The following CDH17 variants were observed in gnomAD, a reference collection of about 807,000 sequenced individuals.
CDH17 encodes the protein cadherin-17.
Under a neutral mutation model 86.3 loss-of-function variants are expected in CDH17, and 67 were observed. The observed-to-expected ratio is 0.78, with a 90% confidence interval of 0.64 to 0.95. The LOEUF (loss-of-function observed/expected upper bound fraction) is 0.95. CDH17 is among the 40% of genes least tolerant of loss of function. The pLI, the probability that CDH17 is intolerant of heterozygous loss-of-function variation, is 0.00. For missense variants in CDH17, 993 were observed against 1,017.6 expected, an observed-to-expected ratio of 0.98 and a Z score of 0.33; for synonymous variants, 367 against 366.4, an observed-to-expected ratio of 1.00 and a Z score of -0.02.
rs754561906 is a variant in CDH17, at chr8:94,152,039, C to A, written c.1625G>T (p.Gly542Val). The change falls in exon 13 of 18, where the codon GGT becomes GTT. Residue 542 changes from glycine (G) to valine (V), a missense_variant. Transcript: ENST00000027335. ...KAENPEPLVF[G>V]VKYNASSFAK... ...AAAAGAACTTGCATTGTACTTCACA[C>A]CAAACACTAGAGGCTCAGGATTTTC... 1 of 1,614,158 alleles carries A rather than the reference C, an allele frequency of 6.2e-7. No individual in the cohort carries two copies. The highest frequency in any genetic ancestry group is 1.7e-5 in the Admixed American group (1 of 60,026).
upstream of CDH17, among the ~76,000 whole-genome samples, chr8:94,211,682 A>G (rs1814123909): frequency 6.6e-6 from 1 of 152,148 alleles, no homozygotes; most frequent in African/African-American, 2.4e-5. Context: ...AAGTACTTGC[A>G]TTTTATGTTC....
chr8:94,209,639 G>C (rs996899006), upstream of CDH17, among the ~76,000 whole-genome samples: 1 of 152,140 alleles, frequency 6.6e-6, no homozygotes, highest in South Asian at 2.1e-4. Context: ...TTGGTGGACT[G>C]GTGGGTTCAG....
At chr8:94,165,251 GTGAC>G (rs1813130038) in intron 10 of CDH17, among the ~76,000 whole-genome samples, 2 of 152,160 alleles carry the variant, frequency 1.3e-5, no homozygotes, top group African/African-American at 2.4e-5. Context: ...TACACAGCCA[GTGAC>G]TGAGAAAAGC....
intron 2 of CDH17, among the ~76,000 whole-genome samples, chr8:94,191,569 A>G (rs1813691035): frequency 6.7e-6 from 1 of 149,730 alleles, no homozygotes; most frequent in Non-Finnish European, 1.5e-5. Flanking sequence ...CGCCTGCCTC[A>G]GCCTCCTGAA....
At chr8:94,138,092 G>C (rs1425939445) in intron 15 of CDH17, among the ~76,000 whole-genome samples, 1 of 152,034 alleles carries the variant, frequency 6.6e-6, no homozygotes, top group Admixed American at 6.6e-5. Flanking sequence ...ATAGAAAATT[G>C]AGAGTACAAA....
At chr8:94,198,087 G>A (rs1381473177) in intron 1 of CDH17, among the ~76,000 whole-genome samples, 1 of 151,942 alleles carries the variant, frequency 6.6e-6, no homozygotes, top group Non-Finnish European at 1.5e-5. Flanking sequence ...CCTAGATGTA[G>A]ATGTATGACA....
At chr8:94,169,811 AC>A (rs1404292808) in intron 9 of CDH17, among the ~76,000 whole-genome samples, 3 of 152,350 alleles carry the variant, frequency 2.0e-5, no homozygotes, top group Admixed American at 1.3e-4. Flanking sequence ...ATCACAGGAC[AC>A]AGTAAAAGAA....
At chr8:94,155,907 C>T (rs192372093) in intron 12 of CDH17, among the ~76,000 whole-genome samples, 133 of 152,324 alleles carry the variant, frequency 8.7e-4, no homozygotes, top group African/African-American at 3.1e-3. Context: ...CCTGGAAAAA[C>T]ATCAAACCAA....
rs1813697141 is a variant in CDH17, at chr8:94,191,869, C to CT, written c.52-2585dup. 2.0e-5 allele frequency among the ~76,000 whole-genome samples: 3 copies of CT among 152,306 alleles called. No individual in the cohort carries two copies. In the South Asian group the frequency reaches 6.2e-4, roughly 32 times the overall value. ...CATCCCTTTCACTCCTTTTCCACAT[C>CT]TTTTCCTGTTCCATCAGCTCCTCTA... On this transcript the variant is annotated intron_variant, in intron 2 of 17. Transcript: ENST00000027335.
Position 94,131,504 on chromosome 8 carries a change from G to A in CDH17, c.2168-512C>T, listed in dbSNP as rs1812414949. Among the ~76,000 whole-genome samples, 3 of 152,262 alleles carry A rather than the reference G, an allele frequency of 2.0e-5. No individual in the cohort carries two copies. The South Asian group carries it at 6.2e-4, about 32-fold the overall frequency. On this transcript the variant is annotated intron_variant, in intron 15 of 17. Transcript: ENST00000027335. Reference sequence around the variant, plus strand: ...TTATCAAACACACATATTTAGGTTGGTGGAAAATAATTGCAGTTTTGGACA... The same window carrying A: ...TTATCAAACACACATATTTAGGTTGATGGAAAATAATTGCAGTTTTGGACA...
rs555089017 is a variant in CDH17 at position 94,132,862 on chromosome 8, T to C, written c.2168-1870A>G. On this transcript the variant is annotated intron_variant, in intron 15 of 17. Transcript: ENST00000027335. ...TTTTGTGTAAGGTGTAAGGAATGGA[T>C]CCAGTTTCAGCTTTCTACATATGCC... 5.3e-5 allele frequency among the ~76,000 whole-genome samples: 8 copies of C among 152,344 alleles called. No individual in the cohort carries two copies. The South Asian group carries it at 1.5e-3, about 28-fold the overall frequency.
rs146691258 is a variant in CDH17 at position 94,130,660 on chromosome 8, T to G, written c.2364A>C (p.Ala788=). Residue 788 remains alanine, a synonymous_variant, in exon 17 of 18, where the codon GCA becomes GCC. Transcript: ENST00000027335. ...GAAGGGTGGTCAGCAGTATACCAAC[T>G]GCCATGCCCACAGTGGGTATCCCAG... ...HQTGIPTVGM[A]VGILLTTLLV... 1 of 1,613,702 alleles carries G rather than the reference T, an allele frequency of 6.2e-7. No individual in the cohort carries two copies. The highest frequency in any genetic ancestry group is 8.5e-7 in the Non-Finnish European group (1 of 1,179,766).
At chr8:94,171,974 T>A (rs1005786082) in intron 7 of CDH17, among the ~76,000 whole-genome samples, 1 of 97,982 alleles carries the variant, frequency 1.0e-5, no homozygotes, top group Non-Finnish European at 2.0e-5. Context: ...CATCTCCCCC[T>A]CCCCCCTCCC....
In CDH17 at chr8:94,181,413, C is replaced by T. The variant is rs571942944; in HGVS notation, c.151-3692G>A. On this transcript the variant is annotated intron_variant, in intron 3 of 17. Coordinates refer to ENST00000027335, the MANE Select transcript of CDH17 (RefSeq NM_004063.4). ...GAGAGGTTATATGTTAGACCATAAG[C>T]GAGTCTCAATAAATTTAAAGGGATT... Among the ~76,000 whole-genome samples the T allele has an allele frequency of 7.9e-5, 12 of 151,948 alleles. No individual in the cohort carries two copies. The South Asian group carries it at 1.9e-3, about 24-fold the overall frequency.
chr8:94,206,526 G>A (rs1450585000), intron 1 of CDH17, among the ~76,000 whole-genome samples: 1 of 152,124 alleles, frequency 6.6e-6, no homozygotes, highest in Non-Finnish European at 1.5e-5. Flanking sequence ...CCTCCTCAGA[G>A]CTGTTGCTGT....
At position 94,189,263 on chromosome 8, in the gene CDH17, C is replaced by T. The variant is rs767895268; in HGVS notation, c.74G>A (p.Gly25Glu). The T allele has an allele frequency of 6.2e-7, 1 of 1,612,062 alleles. No individual in the cohort carries two copies. The highest frequency in any genetic ancestry group is 8.5e-7 in the Non-Finnish European group (1 of 1,179,394). Residue 25 changes from glycine to glutamate, a missense_variant, in exon 3 of 18, where the codon GGG becomes GAG. Coordinates refer to ENST00000027335, the MANE Select transcript of CDH17 (RefSeq NM_004063.4). ...LYLATGYGQEGKFSGPLKPMT... is the reference protein window; with the variant it reads ...LYLATGYGQEEKFSGPLKPMT... Reference sequence around the variant, plus strand: ...GGGTTTCAGGGGTCCACTAAACTTCCCCTCTTGGCCATATCCAGTTGCCTG... The same window carrying T: ...GGGTTTCAGGGGTCCACTAAACTTCTCCTCTTGGCCATATCCAGTTGCCTG...
chr8:94,137,090 T>TG (rs1419105272), intron 15 of CDH17, among the ~76,000 whole-genome samples: 2 of 152,174 alleles, frequency 1.3e-5, no homozygotes, highest in African/African-American at 4.8e-5. Flanking sequence ...TTAGGCTACA[T>TG]GGGGGTTTGG....
chr8:94,158,842 C>T (rs575507028), intron 12 of CDH17, among the ~76,000 whole-genome samples: 6 of 152,180 alleles, frequency 3.9e-5, no homozygotes, highest in African/African-American at 1.4e-4. Context: ...AGCACTAGTG[C>T]TTTTTTCTCT....
intron 1 of CDH17, among the ~76,000 whole-genome samples, chr8:94,197,875 A>G (rs145489184): frequency 1.0e-3 from 153 of 151,714 alleles, no homozygotes; most frequent in African/African-American, 3.4e-3. Flanking sequence ...TTGTGCTCCT[A>G]TGATTTTCTC....
Sources: allele counts gnomAD v4.1 joint callset (sites outside exome capture counted in the v4.1 genomes callset), GRCh38; gene constraint gnomAD v4.1.1; transcripts MANE v1.5; gene names NCBI Gene and HGNC (gene_info 2026-07-23, HGNC 2026-07-21).